The following DCLK2 variants were observed in gnomAD, a reference collection of about 807,000 sequenced individuals.
DCLK2 encodes the protein serine/threonine-protein kinase DCLK2.
In DCLK2, 31 loss-of-function variants were observed where a neutral mutation model predicts 78.4. That is an observed-to-expected ratio of 0.40 (90% CI 0.30 to 0.53). The LOEUF is 0.53. DCLK2 is among the 20% of genes least tolerant of loss of function. The pLI is 0.61. For synonymous variants in DCLK2, 407 were observed against 374.9 expected (o/e 1.09, Z -0.99); for missense variants, 872 against 973.7 (o/e 0.90, Z 1.39).
At chr4:150,189,247 A>AG (rs1207442210) in intron 2 of DCLK2, among the ~76,000 whole-genome samples, 1 of 151,862 alleles carries the variant, frequency 6.6e-6, no homozygotes, top group African/African-American at 2.4e-5. Context: ...TTGGCCAAAA[A>AG]AAATAAAAAT....
At chr4:150,108,659 T>G (rs556828154) in intron 2 of DCLK2, among the ~76,000 whole-genome samples, 1 of 152,236 alleles carries the variant, frequency 6.6e-6, no homozygotes, top group African/African-American at 2.4e-5. Context: ...AAGAGTGACA[T>G]TCTCATAATA....
intron 1 of DCLK2, among the ~76,000 whole-genome samples, chr4:150,093,659 G>A (rs890977349): frequency 6.6e-6 from 1 of 152,172 alleles, no homozygotes; most frequent in African/African-American, 2.4e-5. Flanking sequence ...TGGGATTACA[G>A]GCATAAACCA....
intron 4 of DCLK2, among the ~76,000 whole-genome samples, chr4:150,201,204 T>A (rs1258715688): frequency 3.3e-5 from 5 of 152,194 alleles, no homozygotes; most frequent in Admixed American, 3.3e-4. Flanking sequence ...CCCAAGTTTC[T>A]TTCTTTCCTT....
intron 5 of DCLK2, among the ~76,000 whole-genome samples, chr4:150,205,081 C>T (rs1479240076): frequency 6.6e-6 from 1 of 152,096 alleles, no homozygotes; most frequent in Admixed American, 6.5e-5. Flanking sequence ...TCCCTAAACA[C>T]TTCAAATATA....
chr4:150,235,732 G>T (rs899236931), intron 10 of DCLK2, among the ~76,000 whole-genome samples: 1 of 152,168 alleles, frequency 6.6e-6, no homozygotes, highest in South Asian at 2.1e-4. Flanking sequence ...GGAGGAGAGG[G>T]TGCCATTGAG....
chr4:150,222,730 G>A (rs888432155), intron 7 of DCLK2, among the ~76,000 whole-genome samples: 1 of 151,998 alleles, frequency 6.6e-6, no homozygotes, highest in Non-Finnish European at 1.5e-5. Flanking sequence ...TCCAGGTTGG[G>A]TGGCACACGC....
chr4:150,187,113 T>C (rs1389557231), intron 2 of DCLK2, among the ~76,000 whole-genome samples: 2 of 152,216 alleles, frequency 1.3e-5, no homozygotes, highest in Non-Finnish European at 2.9e-5. Flanking sequence ...TATATAGATA[T>C]ATACCAAACC....
At chr4:150,197,613 G>A (rs990237855) in intron 3 of DCLK2, among the ~76,000 whole-genome samples, 9 of 152,086 alleles carry the variant, frequency 5.9e-5, no homozygotes, top group African/African-American at 1.9e-4. Flanking sequence ...AAATTAGCTG[G>A]GCATGGTGGT....
chr4:150,085,488 C>G (rs1729575909), intron 1 of DCLK2, among the ~76,000 whole-genome samples: 1 of 152,134 alleles, frequency 6.6e-6, no homozygotes, highest in African/African-American at 2.4e-5. Flanking sequence ...CCCACAATAA[C>G]AGCTTTAATC....
At chr4:150,079,707 C>T (rs1284951165) in intron 1 of DCLK2, among the ~76,000 whole-genome samples, 1 of 148,152 alleles carries the variant, frequency 6.7e-6, no homozygotes, top group Non-Finnish European at 1.5e-5. Context: ...GCACTGGTGG[C>T]ATCTCCTAAG....
intron 5 of DCLK2, among the ~76,000 whole-genome samples, chr4:150,218,409 T>C (rs1455440738): frequency 3.9e-5 from 6 of 152,210 alleles, no homozygotes; most frequent in African/African-American, 7.2e-5. Context: ...GAAGTAGAAA[T>C]GCCTGTGTTT....
intron 8 of DCLK2, among the ~76,000 whole-genome samples, chr4:150,227,482 GA>G (rs1560888978): frequency 1.3e-5 from 2 of 152,160 alleles, no homozygotes; most frequent in Admixed American, 6.5e-5. Flanking sequence ...GCTGGAGCAG[GA>G]ACAGTGGGTA....
intron 2 of DCLK2, among the ~76,000 whole-genome samples, chr4:150,173,247 C>T (rs772894227): frequency 4.6e-5 from 7 of 152,084 alleles, no homozygotes; most frequent in African/African-American, 7.2e-5. Context: ...CTCTCCTGCC[C>T]GTCACTCTGC....
At chr4:150,180,500 T>G (rs1036254279) in intron 2 of DCLK2, among the ~76,000 whole-genome samples, 1 of 152,232 alleles carries the variant, frequency 6.6e-6, no homozygotes, top group East Asian at 1.9e-4. Flanking sequence ...AGAGCATTTA[T>G]TTAAGTTCCA....
At chr4:150,101,495 T>C (rs150175932) in intron 1 of DCLK2, among the ~76,000 whole-genome samples, 2,381 of 152,270 alleles carry the variant, frequency 0.016, 120 homozygotes, top group Admixed American at 0.058. Flanking sequence ...TTGTTAACGA[T>C]GAGTGTTATA....
Position 150,224,545 on chromosome 4 carries a change from A to G in DCLK2, c.1286A>G (p.Lys429Arg), listed in dbSNP as rs75931476. Residue 429 changes from lysine to arginine, a missense_variant, in exon 8 of 16, where the codon AAA (lysine) becomes AGA (arginine). Coordinates refer to ENST00000296550, the MANE Select transcript of DCLK2 (RefSeq NM_001040260.4). ...GCCCTAAAGATTATAGACAAAGCCAAATGTTGTGGAAAGGTATAGTATGCA... is the reference window on the plus strand; with the variant it reads ...GCCCTAAAGATTATAGACAAAGCCAGATGTTGTGGAAAGGTATAGTATGCA... The part of the protein sequence containing the change: ...EFALKIIDKA[K>R]CCGKEHLIEN... The G allele has an allele frequency of 1.4e-3, 2,277 of 1,612,536 alleles. 32 individuals carry two copies. The African/African-American group carries it at 0.026, about 19-fold the overall frequency.
chr4:150,138,148 A>G (rs78667511), intron 2 of DCLK2, among the ~76,000 whole-genome samples: 7,959 of 152,358 alleles, frequency 0.052, 213 homozygotes, highest in South Asian at 0.08. Flanking sequence ...AAGGTTATAG[A>G]CTATCATAAA....
In DCLK2 at chr4:150,220,742, G is replaced by T; in HGVS notation, c.1096G>T (p.Gly366Cys). Residue 366 changes from glycine to cysteine, a missense_variant, in exon 6 of 16, where the codon GGT becomes TGT. By Grantham distance (159) the Gly-to-Cys change is radical. Coordinates refer to ENST00000296550, the MANE Select transcript of DCLK2 (RefSeq NM_001040260.4). ...TGGCAGATCTTCTTCCAATGTAAACGGTGGACCTGAGCTTGACCGTTGCAT... is the reference window on the plus strand; with the variant it reads ...TGGCAGATCTTCTTCCAATGTAAACTGTGGACCTGAGCTTGACCGTTGCAT... ...AHGRSSSNVN[G>C]GPELDRCISP... The T allele has an allele frequency of 6.2e-7, 1 of 1,613,808 alleles. No homozygotes were observed. The highest frequency in any genetic ancestry group is 8.5e-7 in the Non-Finnish European group (1 of 1,179,878).
rs1245839358 is a variant in DCLK2 at position 150,256,513 on chromosome 4, C to T, written c.*266C>T. The T allele has an allele frequency of 7.0e-6, 3 of 431,406 alleles. No homozygotes were observed. Among genetic ancestry groups the T allele is most frequent in the Non-Finnish European group, 1.2e-5 (3 of 246,716 alleles). 26.7% of individuals were successfully genotyped at this position (431,406 alleles called of 1,614,324 possible). On this transcript the variant is annotated 3_prime_UTR_variant, in exon 16 of 16. Coordinates refer to ENST00000296550, the MANE Select transcript of DCLK2 (RefSeq NM_001040260.4). ...CGGAGAGACTCGTTCCAGATCATCCCGTCATTTTCAGTTTGTTGGACATTT... is the reference window on the plus strand; with the variant it reads ...CGGAGAGACTCGTTCCAGATCATCCTGTCATTTTCAGTTTGTTGGACATTT...
Sources: allele counts gnomAD v4.1 joint callset (sites outside exome capture counted in the v4.1 genomes callset), GRCh38; gene constraint gnomAD v4.1.1; transcripts MANE v1.5; gene names NCBI Gene and HGNC (gene_info 2026-07-23, HGNC 2026-07-21).